PISD: variants seen among roughly 807,000 people sequenced by gnomAD.
PISD encodes phosphatidylserine decarboxylase.
Under a neutral mutation model 43.5 loss-of-function variants are expected in PISD, and 31 were observed. The ratio of observed to expected loss-of-function variants is 0.71; its 90% confidence interval spans 0.54 to 0.96. The LOEUF is 0.96. Among genes scored for constraint, PISD ranks in the 40% least tolerant of loss-of-function variants. The pLI is 0.00. For synonymous variants in PISD, 259 were observed against 228.7 expected (o/e 1.13, Z -1.20); for missense variants, 523 against 548.4 (o/e 0.95, Z 0.46).
chr22:31,629,647 GGT>G (rs2073103522), intron 3 of PISD: 1 of 151,516 alleles, frequency 6.6e-6, no homozygotes, highest in African/African-American at 2.4e-5. Context: ...TGTGCATGAG[GGT>G]GTGTGTAGGT....
At chr22:31,656,103 C>T (rs1045485455) in intron 1 of PISD, among the ~76,000 whole-genome samples, 8 of 151,880 alleles carry the variant, frequency 5.3e-5, no homozygotes, top group African/African-American at 1.5e-4. Flanking sequence ...AGACCAGCCT[C>T]GCCAATATGG....
intron 3 of PISD, among the ~76,000 whole-genome samples, chr22:31,646,614 T>C (rs1230145005): frequency 2.0e-5 from 3 of 152,088 alleles, no homozygotes; most frequent in Admixed American, 2.0e-4. Flanking sequence ...CATCACAGGG[T>C]GAGTCAGCCT....
chr22:31,621,946 G>A (rs2072607861), intron 3 of PISD, 61 bp from the exon 4 acceptor site: 1 of 1,267,410 alleles, frequency 7.9e-7, no homozygotes, highest in Non-Finnish European at 1.1e-6. Context: ...GAGAGCCCAA[G>A]TAGTGTCATT....
chr22:31,627,529 C>T (rs1336163695), intron 3 of PISD, among the ~76,000 whole-genome samples: 3 of 152,226 alleles, frequency 2.0e-5, no homozygotes, highest in Non-Finnish European at 4.4e-5. Context: ...GGGGTGATAG[C>T]AGTCAGGGGT....
intron 3 of PISD, among the ~76,000 whole-genome samples, chr22:31,637,482 G>A (rs1337478201): frequency 6.6e-6 from 1 of 151,610 alleles, no homozygotes; most frequent in Admixed American, 6.6e-5. Flanking sequence ...CTGGTCTCAC[G>A]CCACTCTGAA....
In PISD at chr22:31,619,533, C is replaced by T; in HGVS notation, c.*79G>A. On this transcript the variant is annotated 3_prime_UTR_variant, in exon 8 of 8. Coordinates refer to ENST00000439502, the MANE Select transcript of PISD (RefSeq NM_001326411.2). ...CTGAGGCAGGCCCTTACCTGGATGG[C>T]CTCATGGGCCTCCCTCTTGAAAAGA... The T allele has an allele frequency of 8.5e-7, 1 of 1,179,092 alleles. No homozygotes were observed. Among genetic ancestry groups the T allele is most frequent in the Non-Finnish European group, 1.3e-6 (1 of 798,288 alleles). 73.0% of individuals were successfully genotyped at this position (1,179,092 alleles called of 1,614,324 possible). A position where few individuals can be genotyped will look rare whatever the true frequency, so the allele number is the denominator to read the frequency against.
intron 1 of PISD, among the ~76,000 whole-genome samples, chr22:31,654,677 C>A (rs895381276): frequency 1.3e-5 from 2 of 152,174 alleles, no homozygotes; most frequent in African/African-American, 4.8e-5. Flanking sequence ...AAGTGTGAAC[C>A]AATGAAATCT....
intron 3 of PISD, among the ~76,000 whole-genome samples, chr22:31,644,265 G>A (rs1305555281): frequency 6.8e-6 from 1 of 147,876 alleles, no homozygotes; most frequent in African/African-American, 2.5e-5. Context: ...TTGAGATGGA[G>A]TCTTCACTCT....
chr22:31,650,018 T>G (rs921572184), intron 2 of PISD, among the ~76,000 whole-genome samples: 3 of 152,204 alleles, frequency 2.0e-5, no homozygotes, highest in Non-Finnish European at 4.4e-5. Context: ...CTCAGACATT[T>G]AGCCCTAGAA....
intron 1 of PISD, among the ~76,000 whole-genome samples, chr22:31,654,134 C>G (rs1313321049): frequency 6.6e-6 from 1 of 152,210 alleles, no homozygotes; most frequent in African/African-American, 2.4e-5. Context: ...CACCAACAAC[C>G]TGCATGTTGC....
intron 5 of PISD, 31 bp downstream of exon 5, chr22:31,621,303 G>A: frequency 6.2e-7 from 1 of 1,613,038 alleles, no homozygotes; most frequent in Non-Finnish European, 8.5e-7. Flanking sequence ...CAGCAGCAGG[G>A]CTGCCTAGCC....
rs971635779 is a variant in PISD, at chr22:31,653,516, G to A, written c.66-2738C>T. ...TGGACACAGGGCACTCAGGTGGTTT[G>A]TTTTGCATATCCATCTTCCCCCTCA... On this transcript the variant is annotated intron_variant, in intron 1 of 7. Coordinates refer to ENST00000439502, the MANE Select transcript of PISD (RefSeq NM_001326411.2). 9.8e-5 allele frequency among the ~76,000 whole-genome samples: 15 copies of A among 152,316 alleles called. No homozygotes were observed. In the East Asian group the frequency reaches 2.9e-3, roughly 29 times the overall value.
At chr22:31,631,847 C>T (rs2073218676) in intron 3 of PISD, among the ~76,000 whole-genome samples, 1 of 152,216 alleles carries the variant, frequency 6.6e-6, no homozygotes. Flanking sequence ...CTAGAAGTCT[C>T]AGTCTCCTCA....
At chr22:31,654,952 T>C (rs1385692826) in intron 1 of PISD, among the ~76,000 whole-genome samples, 2 of 151,908 alleles carry the variant, frequency 1.3e-5, no homozygotes, top group East Asian at 3.9e-4. Context: ...GGTGTGCCCC[T>C]GTAATCCCAG....
chr22:31,636,606 C>A (rs1340506801), intron 3 of PISD, among the ~76,000 whole-genome samples: 10 of 151,166 alleles, frequency 6.6e-5, no homozygotes, highest in Admixed American at 6.6e-4. Flanking sequence ...GTGGCACGAT[C>A]TCGGCTCACT....
At position 31,620,655 on chromosome 22, in the gene PISD, A is replaced by G. The variant is rs1752932495; in HGVS notation, c.903T>C (p.His301=). 6.2e-7 allele frequency: 1 copy of G among 1,614,222 alleles called. No homozygotes were observed. The highest frequency in any genetic ancestry group is 8.5e-7 in the Non-Finnish European group (1 of 1,180,030). Residue 301 remains histidine (H), a synonymous_variant, in exon 7 of 8, where the codon CAT becomes CAC. Coordinates refer to ENST00000439502, the MANE Select transcript of PISD (RefSeq NM_001326411.2). ...MARWIKELFC[H]NERVVLTGDW... ...CCCCCGTCAGGACCACCCGCTCGTT[A>G]TGGCAGAAGAGCTCTTTGATCCAGC...
At chr22:31,652,926 C>G (rs1421087558) in intron 1 of PISD, among the ~76,000 whole-genome samples, 1 of 151,526 alleles carries the variant, frequency 6.6e-6, no homozygotes, top group African/African-American at 2.4e-5. Context: ...GTAGTCCTAC[C>G]TAACCAAAAA....
intron 1 of PISD, among the ~76,000 whole-genome samples, chr22:31,655,756 T>C (rs1212289887): frequency 6.6e-6 from 1 of 152,048 alleles, no homozygotes; most frequent in Non-Finnish European, 1.5e-5. Context: ...TGCCTCAGCC[T>C]CCCAAGTAGC....
At chr22:31,625,547 G>A in intron 3 of PISD, 2 of 585,290 alleles carry the variant, frequency 3.4e-6, no homozygotes, top group Non-Finnish European at 3.0e-6. Context: ...GCCTCCCCCT[G>A]CTGGGCCCTC....
Sources: gnomAD v4.1 joint callset for allele counts (sites outside exome capture counted in the v4.1 genomes callset) on GRCh38, gnomAD v4.1.1 for gene constraint, MANE v1.5 for transcripts, NCBI Gene and HGNC (gene_info 2026-07-23, HGNC 2026-07-21) for gene names.